HGD: variants seen among roughly 807,000 people sequenced by gnomAD.
HGD encodes homogentisate oxidase.
In HGD, 61 loss-of-function variants were observed where a neutral mutation model predicts 60.8. The ratio of observed to expected loss-of-function variants is 1.00; its 90% confidence interval spans 0.82 to 1.24. HGD has a LOEUF of 1.24. Among genes scored for constraint, HGD ranks in the 50% most tolerant of loss-of-function variants. The pLI, the probability that HGD is intolerant of heterozygous loss-of-function variation, is 0.00. For missense variants in HGD, 542 were observed against 547.1 expected (o/e 0.99, Z 0.09); for synonymous variants, 212 against 187.7 (o/e 1.13, Z -1.06).
In HGD at chr3:120,668,019, T is replaced by C. The variant is rs141150701; in HGVS notation, c.282+2408A>G. ...CTGAAGGGGAAAGGGAGGAGCTGAATGCCTCGTCTGTGTCCCTTTGTGTGG... is the reference window on the plus strand; with the variant it reads ...CTGAAGGGGAAAGGGAGGAGCTGAACGCCTCGTCTGTGTCCCTTTGTGTGG... On this transcript the variant is annotated intron_variant, in intron 4 of 13. Coordinates refer to ENST00000283871, the MANE Select transcript of HGD (RefSeq NM_000187.4). Among the ~76,000 whole-genome samples, 803 of 152,210 alleles carry C rather than the reference T, an allele frequency of 5.3e-3. 7 individuals carry two copies. Among genetic ancestry groups the C allele is most frequent in the African/African-American group, 0.018 (767 of 41,536 alleles).
chr3:120,657,585 G>A (rs1019267211), intron 4 of HGD, among the ~76,000 whole-genome samples: 9 of 151,928 alleles, frequency 5.9e-5, no homozygotes, highest in East Asian at 3.9e-4. Flanking sequence ...GTAATTTCTC[G>A]GTGAAATAGT....
intron 13 of HGD, among the ~76,000 whole-genome samples, chr3:120,629,095 A>G (rs1477650546): frequency 6.6e-6 from 1 of 152,208 alleles, no homozygotes; most frequent in Non-Finnish European, 1.5e-5. Context: ...GGTGAAGGAA[A>G]TGGCAGGAAT....
intron 10 of HGD, among the ~76,000 whole-genome samples, chr3:120,643,980 T>C (rs950980322): frequency 2.0e-5 from 3 of 152,224 alleles, no homozygotes; most frequent in African/African-American, 7.2e-5. Flanking sequence ...GCTGCCCATA[T>C]ATTATGTTTT....
At chr3:120,671,146 A>G in intron 3 of HGD, among the ~76,000 whole-genome samples, 1 of 152,182 alleles carries the variant, frequency 6.6e-6, no homozygotes, top group Non-Finnish European at 1.5e-5. Context: ...TGATTTTCTT[A>G]TATATTTCTT....
At chr3:120,681,807 T>C (rs975068998) in intron 1 of HGD, among the ~76,000 whole-genome samples, 16 of 152,324 alleles carry the variant, frequency 1.1e-4, no homozygotes, top group Admixed American at 6.5e-5. Context: ...GAAACGTGCA[T>C]GTCCGTAGTG....
intron 6 of HGD, among the ~76,000 whole-genome samples, chr3:120,648,536 TGTATA>T (rs1941235216): frequency 1.3e-5 from 2 of 152,244 alleles, no homozygotes; most frequent in East Asian, 3.8e-4. Flanking sequence ...CCAGAGGTAG[TGTATA>T]ATAAGGCAGG....
rs779590565 is a variant in HGD, at chr3:120,650,870, G to A, written c.343-5C>T. 9 of 1,610,270 alleles carry A rather than the reference G, an allele frequency of 5.6e-6. No individual in the cohort carries two copies. In the Admixed American group the frequency reaches 1.5e-4, roughly 27 times the overall value. On this transcript the variant is annotated splice_region_variant and splice_polypyrimidine_tract_variant and intron_variant, in intron 5 of 13. Transcript: ENST00000283871. Reference sequence around the variant, plus strand: ...TCCACACAAGGTATGCAGGCCCTGGGAGAGACCCACAGAAGAGGGAAAGGT... The same window carrying A: ...TCCACACAAGGTATGCAGGCCCTGGAAGAGACCCACAGAAGAGGGAAAGGT...
chr3:120,632,455 C>T (rs998015766), intron 13 of HGD, among the ~76,000 whole-genome samples: 4 of 152,236 alleles, frequency 2.6e-5, no homozygotes, highest in Non-Finnish European at 4.4e-5. Flanking sequence ...TCAATGTTTA[C>T]AGCCTGACAC....
chr3:120,652,674 G>A lies in HGD; in HGVS notation c.283-23C>T, dbSNP rs182686850. 8.3e-3 allele frequency: 12,899 copies of A among 1,559,150 alleles called. 108 individuals are homozygous for A. The highest frequency in any genetic ancestry group is 0.024 in the South Asian group (2,189 of 89,624). On this transcript the variant is annotated intron_variant, in intron 4 of 13. Transcript: ENST00000283871. ...AAGCTGGAAAAAAAATACACATACA[G>A]AAAAATTACTTCACAAGGGTAAACC...
At chr3:120,666,702 G>C (rs974014931) in intron 4 of HGD, among the ~76,000 whole-genome samples, 2 of 151,920 alleles carry the variant, frequency 1.3e-5, no homozygotes, top group African/African-American at 2.4e-5. Context: ...AGCTGTTCTC[G>C]ATCTCCTGAC....
At chr3:120,668,652 G>C (rs572537470) in intron 4 of HGD, among the ~76,000 whole-genome samples, 2 of 152,146 alleles carry the variant, frequency 1.3e-5, no homozygotes, top group Admixed American at 6.5e-5. Context: ...ATAAATAGCT[G>C]TATCAGAATC....
intron 13 of HGD, among the ~76,000 whole-genome samples, chr3:120,630,839 C>CAT (rs1553715609): frequency 2.5e-5 from 2 of 81,108 alleles, no homozygotes; most frequent in East Asian, 2.6e-4. Context: ...CATACACACA[C>CAT]ACATACACAC....
intron 4 of HGD, among the ~76,000 whole-genome samples, chr3:120,669,447 G>GCACACA (rs59426684): frequency 0.076 from 11,104 of 145,656 alleles, 468 homozygotes; most frequent in Non-Finnish European, 0.099. Flanking sequence ...GTGCGCATGT[G>GCACACA]CACACACACA....
intron 2 of HGD, among the ~76,000 whole-genome samples, chr3:120,675,443 C>T (rs1425278379): frequency 6.6e-6 from 1 of 151,716 alleles, no homozygotes; most frequent in East Asian, 1.9e-4. Flanking sequence ...CTAGTATGAA[C>T]ATCTTTGTGC....
At chr3:120,664,080 T>G (rs1024110262) in intron 4 of HGD, among the ~76,000 whole-genome samples, 1 of 152,200 alleles carries the variant, frequency 6.6e-6, no homozygotes, top group Non-Finnish European at 1.5e-5. Context: ...GTCACTGTTA[T>G]GTGTGTGTTA....
intron 10 of HGD, among the ~76,000 whole-genome samples, chr3:120,643,835 T>G (rs1393843409): frequency 6.6e-6 from 1 of 152,236 alleles, no homozygotes; most frequent in Non-Finnish European, 1.5e-5. Context: ...GCCAGCCTGG[T>G]GGTACAAACC....
At chr3:120,639,822 G>A (rs1940911166) in intron 11 of HGD, among the ~76,000 whole-genome samples, 1 of 152,136 alleles carries the variant, frequency 6.6e-6, no homozygotes, top group African/African-American at 2.4e-5. Context: ...AGTCTTCATA[G>A]TGGTAGTGTA....
chr3:120,641,093 C>G (rs1471289749), intron 11 of HGD, among the ~76,000 whole-genome samples: 2 of 152,130 alleles, frequency 1.3e-5, no homozygotes, highest in Non-Finnish European at 2.9e-5. Context: ...AACTCAAGCA[C>G]TGAAAGTTAT....
chr3:120,642,026 A>G (rs1940999456), intron 10 of HGD, among the ~76,000 whole-genome samples: 1 of 152,202 alleles, frequency 6.6e-6, no homozygotes, highest in South Asian at 2.1e-4. Context: ...CAGTTCTCAA[A>G]CAATCTGGGC....
Sources: gnomAD v4.1 joint callset for allele counts (sites outside exome capture counted in the v4.1 genomes callset) on GRCh38, gnomAD v4.1.1 for gene constraint, MANE v1.5 for transcripts, NCBI Gene and HGNC (gene_info 2026-07-23, HGNC 2026-07-21) for gene names.